The following SH3KBP1 variants were observed in gnomAD, a reference collection of about 807,000 sequenced individuals.
The protein encoded by SH3KBP1 is SH3 domain-containing kinase-binding protein 1.
In SH3KBP1, 8 loss-of-function variants were observed where a neutral mutation model predicts 50.1. That is an observed-to-expected ratio of 0.16 (90% CI 0.09 to 0.29). The LOEUF (loss-of-function observed/expected upper bound fraction) is 0.29. SH3KBP1 is among the 10% of genes least tolerant of loss of function. The pLI, the probability that SH3KBP1 is intolerant of heterozygous loss-of-function variation, is 1.00. For synonymous variants in SH3KBP1, 227 were observed against 218.6 expected, an observed-to-expected ratio of 1.04 and a Z score of -0.34; for missense variants, 377 against 535.2, an observed-to-expected ratio of 0.70 and a Z score of 2.92.
At chrX:19,726,621 T>C (rs1023410737) in intron 3 of SH3KBP1, among the ~76,000 whole-genome samples, 3 of 110,574 alleles carry the variant, frequency 2.7e-5, no homozygotes, top group Non-Finnish European at 3.8e-5. Context: ...TGGGGTTTTG[T>C]AGTAATTTGT....
At chrX:19,687,097 A>G (rs921711333) in intron 5 of SH3KBP1, among the ~76,000 whole-genome samples, 1 of 113,020 alleles carries the variant, frequency 8.8e-6, no homozygotes, top group Non-Finnish European at 1.9e-5. Context: ...CCTGCCAAAA[A>G]AAGTCTGCCA....
intron 1 of SH3KBP1, among the ~76,000 whole-genome samples, chrX:19,838,886 C>CA (rs1187740894): frequency 0.11 from 3,094 of 29,430 alleles, 161 homozygotes; most frequent in East Asian, 0.2. Context: ...AACTTTGTCT[C>CA]AAAAAAAAAA....
intron 15 of SH3KBP1, among the ~76,000 whole-genome samples, chrX:19,542,561 C>A (rs748660164): frequency 2.7e-5 from 3 of 111,438 alleles, no homozygotes; most frequent in Non-Finnish European, 5.7e-5. Flanking sequence ...GGGGCGCAGA[C>A]AGACAGACAG....
chrX:19,863,478 G>T (rs944581437), intron 1 of SH3KBP1, among the ~76,000 whole-genome samples: 2 of 112,451 alleles, frequency 1.8e-5, no homozygotes, highest in Non-Finnish European at 3.8e-5. Flanking sequence ...CGTGGGAAAG[G>T]ATGCACAAAG....
intron 1 of SH3KBP1, among the ~76,000 whole-genome samples, chrX:19,863,824 C>T (rs772845758): frequency 8.9e-6 from 1 of 112,026 alleles, no homozygotes; most frequent in Non-Finnish European, 1.9e-5. Context: ...TTTAGCCCAG[C>T]GTCTAAGTTG....
intron 2 of SH3KBP1, among the ~76,000 whole-genome samples, chrX:19,834,951 T>C (rs1252700359): frequency 1.8e-5 from 2 of 108,729 alleles, no homozygotes; most frequent in African/African-American, 6.7e-5. Flanking sequence ...ATGAGAATCA[T>C]TTGAACCTGG....
In SH3KBP1 at chrX:19,774,987, T is replaced by TC. The variant is rs764578274; in HGVS notation, c.163-28547dup. ...GAGCGCATTGGTCCCCTCATTCTCC[T>TC]CCCCCAAGCCCTCTCTGTTTAGTAG... On this transcript the variant is annotated intron_variant, in intron 2 of 17. Transcript: ENST00000397821. 4.7e-3 allele frequency among the ~76,000 whole-genome samples: 520 copies of TC among 110,852 alleles called. 1 individual carries two copies. The highest frequency in any genetic ancestry group is 8.0e-3 in the Non-Finnish European group (423 of 52,865).
intron 8 of SH3KBP1, among the ~76,000 whole-genome samples, chrX:19,629,459 G>A (rs920228679): frequency 4.5e-5 from 5 of 111,935 alleles, no homozygotes; most frequent in African/African-American, 1.6e-4. Context: ...ACTGGAGTGG[G>A]GGGAAACATC....
intron 12 of SH3KBP1, among the ~76,000 whole-genome samples, chrX:19,579,866 T>C (rs767582923): frequency 6.3e-5 from 7 of 111,563 alleles, no homozygotes; most frequent in South Asian, 3.8e-4. Context: ...ACCCGGAGGA[T>C]GTTCACTTTT....
intron 2 of SH3KBP1, among the ~76,000 whole-genome samples, chrX:19,810,003 C>T (rs768047793): frequency 7.7e-4 from 86 of 112,332 alleles, no homozygotes; most frequent in Non-Finnish European, 7.3e-4. Context: ...AAAAAGTGAG[C>T]CATTTAATAA....
intron 2 of SH3KBP1, among the ~76,000 whole-genome samples, chrX:19,761,533 C>A (rs1373811015): frequency 1.8e-5 from 2 of 111,736 alleles, no homozygotes; most frequent in African/African-American, 6.5e-5. Flanking sequence ...TAGATTAAAG[C>A]AAAACCTGAG....
At chrX:19,573,583 G>A (rs2066110059) in intron 12 of SH3KBP1, among the ~76,000 whole-genome samples, 1 of 111,734 alleles carries the variant, frequency 8.9e-6, no homozygotes, top group African/African-American at 3.3e-5. Context: ...CACCATGCCC[G>A]GCCTAAAGTT....
At chrX:19,853,124 G>A (rs1167609507) in intron 1 of SH3KBP1, among the ~76,000 whole-genome samples, 1 of 112,775 alleles carries the variant, frequency 8.9e-6, no homozygotes, top group Non-Finnish European at 1.9e-5. Context: ...TTTTATCTCT[G>A]TCTCTGTGTA....
chrX:19,753,575 A>G (rs2065129979), intron 2 of SH3KBP1, among the ~76,000 whole-genome samples: 1 of 110,197 alleles, frequency 9.1e-6, no homozygotes, highest in Non-Finnish European at 1.9e-5. Flanking sequence ...GTGCCTTCCC[A>G]GTATTTGGCT....
At chrX:19,649,715 C>A (rs1243922013) in intron 6 of SH3KBP1, among the ~76,000 whole-genome samples, 1 of 111,787 alleles carries the variant, frequency 8.9e-6, no homozygotes, top group African/African-American at 3.3e-5. Flanking sequence ...CCTAGCGCTA[C>A]AAGATCCAGT....
intron 6 of SH3KBP1, among the ~76,000 whole-genome samples, chrX:19,668,153 T>C (rs2062657825): frequency 9.0e-6 from 1 of 111,688 alleles, no homozygotes; most frequent in African/African-American, 3.3e-5. Flanking sequence ...ACATTTGATA[T>C]AACTTCATCA....
chrX:19,609,640 C>T (rs1421108142), intron 8 of SH3KBP1, among the ~76,000 whole-genome samples: 1 of 112,031 alleles, frequency 8.9e-6, no homozygotes, highest in Non-Finnish European at 1.9e-5. Flanking sequence ...GGCTCAAGTA[C>T]CAGATGTGCA....
chrX:19,605,664 C>T (rs767163129), intron 9 of SH3KBP1, among the ~76,000 whole-genome samples: 3 of 111,897 alleles, frequency 2.7e-5, no homozygotes, highest in East Asian at 2.8e-4. Flanking sequence ...TGGCCCTAAA[C>T]GCCAGACCTA....
chrX:19,578,707 AG>A (rs1448836283), intron 12 of SH3KBP1, among the ~76,000 whole-genome samples: 1 of 112,293 alleles, frequency 8.9e-6, no homozygotes, highest in Non-Finnish European at 1.9e-5. Context: ...TCAAATGAAC[AG>A]CAACAAGAGG....
Sources: allele counts gnomAD v4.1 joint callset (sites outside exome capture counted in the v4.1 genomes callset), GRCh38; gene constraint gnomAD v4.1.1; transcripts MANE v1.5; gene names NCBI Gene and HGNC (gene_info 2026-07-23, HGNC 2026-07-21).